NPAS1: variants seen among roughly 807,000 people sequenced by gnomAD.
NPAS1 encodes neuronal PAS domain-containing protein 1.
NPAS1 carries 29 observed loss-of-function variants against 49.2 expected under a neutral mutation model. The observed-to-expected ratio is 0.59, with a 90% CI of 0.44 to 0.80. The LOEUF (loss-of-function observed/expected upper bound fraction) is 0.80, where lower values mean the gene tolerates loss of function less well. Ranked by LOEUF, NPAS1 falls within the 30% of genes least tolerant of loss-of-function variation. The probability of loss-of-function intolerance (pLI) is 0.00; values close to 1 mark genes in which losing one functional copy is unlikely to be tolerated. For synonymous variants in NPAS1, 408 were observed against 380.4 expected, an observed-to-expected ratio of 1.07 and a Z score of -0.84; for missense variants, 825 against 835.5, an observed-to-expected ratio of 0.99 and a Z score of 0.15.
chr19:47,024,779 G>A (rs186131851), intron 3 of NPAS1, among the ~76,000 whole-genome samples: 2 of 149,084 alleles, frequency 1.3e-5, no homozygotes, highest in East Asian at 2.0e-4. Flanking sequence ...AGAGGAGACC[G>A]CCCAAATCTC....
At chr19:47,031,091 G>A (rs1481264463) in intron 3 of NPAS1, among the ~76,000 whole-genome samples, 1 of 151,618 alleles carries the variant, frequency 6.6e-6, no homozygotes, top group Non-Finnish European at 1.5e-5. Context: ...TCCTTCAACA[G>A]CCCTAACTCC....
chr19:47,040,083 C>G (rs528226255), intron 8 of NPAS1, among the ~76,000 whole-genome samples: 5 of 152,012 alleles, frequency 3.3e-5, no homozygotes, highest in African/African-American at 1.2e-4. Context: ...AGTGCAGTGG[C>G]GCAATCTCAG....
At position 47,025,416 on chromosome 19, in the gene NPAS1, T is replaced by C. The variant is rs969521964; in HGVS notation, c.358+3569T>C. On this transcript the variant is annotated intron_variant, in intron 3 of 11. Transcript: ENST00000602212. ...GCTTCAGCCTCCCTAATAGCTGGGA[T>C]TACAGGCATGCGCCACCACGCCCAG... 1.7e-4 allele frequency among the ~76,000 whole-genome samples: 20 copies of C among 115,214 alleles called. 1 individual carries two copies. The highest frequency in any genetic ancestry group is 5.2e-4 in the African/African-American group (20 of 38,168). The allele number at this position is 115,214 out of a possible 152,430, so 75.6% of individuals were successfully genotyped here. A position where few individuals can be genotyped will look rare whatever the true frequency, so the allele number is the denominator to read the frequency against.
At chr19:47,033,724 G>A (rs879629396) in intron 5 of NPAS1, among the ~76,000 whole-genome samples, 1 of 151,634 alleles carries the variant, frequency 6.6e-6, no homozygotes, top group Non-Finnish European at 1.5e-5. Flanking sequence ...TTGGGAGGCT[G>A]AGCCAGGAGG....
intron 6 of NPAS1, among the ~76,000 whole-genome samples, chr19:47,037,968 C>T (rs1246653915): frequency 6.6e-6 from 1 of 152,242 alleles, no homozygotes; most frequent in Non-Finnish European, 1.5e-5. Context: ...CCCCACCCAC[C>T]TGGGGCTCCC....
intron 11 of NPAS1, among the ~76,000 whole-genome samples, chr19:47,044,376 CA>C (rs1464426201): frequency 1.9e-5 from 2 of 108,090 alleles, no homozygotes; most frequent in Non-Finnish European, 4.8e-5. Context: ...CCCTGCAAAA[CA>C]AAACAAAACA....
chr19:47,036,716 A>C (rs2056960107), intron 6 of NPAS1, among the ~76,000 whole-genome samples: 1 of 112,000 alleles, frequency 8.9e-6, no homozygotes, highest in African/African-American at 3.7e-5. Flanking sequence ...TACTAAAAAT[A>C]CAAAAAAAAA....
intron 4 of NPAS1, 75 bp downstream of exon 4, chr19:47,032,426 T>C: frequency 6.8e-7 from 1 of 1,466,866 alleles, no homozygotes; most frequent in South Asian, 1.1e-5. Flanking sequence ...AGCAGCCTCT[T>C]CAGCATCCAT....
intron 3 of NPAS1, among the ~76,000 whole-genome samples, chr19:47,025,521 G>A (rs969531670): frequency 8.6e-5 from 13 of 151,700 alleles, no homozygotes; most frequent in African/African-American, 3.1e-4. Context: ...CAGGTGATCC[G>A]CCTGCCGCAG....
At chr19:47,041,783 T>C (rs1599921855) in intron 10 of NPAS1, among the ~76,000 whole-genome samples, 1 of 152,028 alleles carries the variant, frequency 6.6e-6, no homozygotes, top group African/African-American at 2.4e-5. Context: ...AAGACCAGCC[T>C]GGGCAACCAA....
chr19:47,025,270 G>A (rs2056864200), intron 3 of NPAS1, among the ~76,000 whole-genome samples: 2 of 133,740 alleles, frequency 1.5e-5, no homozygotes, highest in African/African-American at 5.0e-5. Context: ...AGGGAAGGAG[G>A]GGTGACATCT....
rs201723718 is a variant in NPAS1 at position 47,033,726 on chromosome 19, GC to G, written c.522+996del. Reference sequence around the variant, plus strand: ...TAATCCCAACACTTTGGGAGGCTGAGCCAGGAGGATCACCTGAGGCCAGGAA... The same window carrying G: ...TAATCCCAACACTTTGGGAGGCTGAGCAGGAGGATCACCTGAGGCCAGGAA... On this transcript the variant is annotated intron_variant, in intron 5 of 11. Transcript: ENST00000602212. Among the ~76,000 whole-genome samples, 1,292 of 151,954 alleles carry G rather than the reference GC, an allele frequency of 8.5e-3. 37 individuals carry two copies. The highest frequency in any genetic ancestry group is 0.026 in the Admixed American group (397 of 15,238).
chr19:47,031,568 TCA>T (rs2056906051), intron 3 of NPAS1, among the ~76,000 whole-genome samples: 1 of 143,698 alleles, frequency 7.0e-6, no homozygotes, highest in African/African-American at 2.6e-5. Context: ...TCTCGCACTG[TCA>T]TCCAGGCTGG....
At chr19:47,040,878 C>G in intron 9 of NPAS1, 100 bp from the exon 10 acceptor site, 3 of 1,028,110 alleles carry the variant, frequency 2.9e-6, no homozygotes, top group Non-Finnish European at 4.1e-6. Flanking sequence ...TGCCCACTCC[C>G]CTGCTCTCAC....
intron 3 of NPAS1, among the ~76,000 whole-genome samples, chr19:47,022,757 AG>A (rs2056849714): frequency 6.6e-6 from 1 of 152,276 alleles, no homozygotes; most frequent in Non-Finnish European, 1.5e-5. Context: ...ATAAAGAAAT[AG>A]GCAAAGCAAT....
At chr19:47,040,002 C>T (rs552826279) in intron 8 of NPAS1, among the ~76,000 whole-genome samples, 4 of 152,118 alleles carry the variant, frequency 2.6e-5, no homozygotes, top group African/African-American at 9.6e-5. Context: ...CGCAGCTGCC[C>T]CGGGAGAGAC....
At chr19:47,030,056 C>T (rs1187204970) in intron 3 of NPAS1, among the ~76,000 whole-genome samples, 2 of 152,036 alleles carry the variant, frequency 1.3e-5, no homozygotes, top group Admixed American at 1.3e-4. Context: ...TGGAGTCTCG[C>T]TCTGTCACCC....
At chr19:47,041,589 A>G (rs912403236) in intron 10 of NPAS1, among the ~76,000 whole-genome samples, 4 of 152,086 alleles carry the variant, frequency 2.6e-5, no homozygotes, top group Non-Finnish European at 5.9e-5. Flanking sequence ...ACCAGCCTGA[A>G]GATGACGGCC....
intron 8 of NPAS1, among the ~76,000 whole-genome samples, 165 bp downstream of exon 8, chr19:47,039,729 G>A (rs2056998921): frequency 6.6e-6 from 1 of 152,166 alleles, no homozygotes; most frequent in African/African-American, 2.4e-5. Context: ...AGGGAGGGAA[G>A]GCAGGGGACC....
Sources: gnomAD v4.1 joint callset for allele counts (sites outside exome capture counted in the v4.1 genomes callset) on GRCh38, gnomAD v4.1.1 for gene constraint, MANE v1.5 for transcripts, NCBI Gene and HGNC (gene_info 2026-07-23, HGNC 2026-07-21) for gene names.